The following KCNH1 variants were observed in gnomAD, a reference collection of about 807,000 sequenced individuals.
KCNH1 encodes the protein potassium voltage-gated channel subfamily H member 1.
Under a neutral mutation model 69.2 loss-of-function variants are expected in KCNH1, and 27 were observed. The observed-to-expected ratio is 0.39, with a 90% CI of 0.29 to 0.54. The LOEUF is 0.54. Ranked by LOEUF, KCNH1 falls within the 20% of genes least tolerant of loss-of-function variation. KCNH1 has a pLI of 0.68. For synonymous variants in KCNH1, 456 were observed against 487.7 expected (o/e 0.93, Z 0.86); for missense variants, 798 against 1,261.6 (o/e 0.63, Z 5.57).
chr1:210,929,092 C>G lies in KCNH1; in HGVS notation c.1033-9023G>C, dbSNP rs147829616. On this transcript the variant is annotated intron_variant, in intron 6 of 10. Coordinates refer to ENST00000271751, the MANE Select transcript of KCNH1 (RefSeq NM_172362.3). ...AGATGGATCCACAGTTGAATTCTAT[C>G]AGATATTCAGAGAAGAATTGGTATC... Among the ~76,000 whole-genome samples, 868 of 152,238 alleles carry G rather than the reference C, an allele frequency of 5.7e-3. 9 individuals are homozygous for G. The highest frequency in any genetic ancestry group is 0.019 in the African/African-American group (794 of 41,546).
At chr1:210,905,268 C>G (rs1687078241) in intron 7 of KCNH1, among the ~76,000 whole-genome samples, 1 of 152,144 alleles carries the variant, frequency 6.6e-6, no homozygotes, top group African/African-American at 2.4e-5. Flanking sequence ...GAATAATAGT[C>G]CCATCTCACA....
At chr1:211,084,129 G>C (rs1278706568) in intron 4 of KCNH1, among the ~76,000 whole-genome samples, 1 of 152,146 alleles carries the variant, frequency 6.6e-6, no homozygotes, top group South Asian at 2.1e-4. Context: ...TCACTGTGGG[G>C]GGGTCCCATT....
chr1:211,101,201 G>A (rs773798458), intron 3 of KCNH1, among the ~76,000 whole-genome samples: 7 of 152,146 alleles, frequency 4.6e-5, no homozygotes, highest in Non-Finnish European at 1.0e-4. Context: ...CCCTACAGAT[G>A]CTGTAAGAGC....
chr1:211,018,941 G>A lies in KCNH1; in HGVS notation c.874C>T (p.Leu292=), dbSNP rs752346616. The part of the protein sequence containing the change: ...SDPKLIRMNY[L]KTWFVIDLLS... ...AGGTCAATCACAAACCACGTCTTCAGGTAGTTCATGCGGATAAGTTTGGGG... is the reference window on the plus strand; with the variant it reads ...AGGTCAATCACAAACCACGTCTTCAAGTAGTTCATGCGGATAAGTTTGGGG... The change falls in exon 6 of 11, where the codon CTG becomes TTG. Residue 292 remains leucine, a synonymous_variant. Transcript: ENST00000271751. The A allele has an allele frequency of 3.1e-6, 5 of 1,613,960 alleles. No homozygotes were observed. In the African/African-American group the frequency reaches 4.0e-5, roughly 13 times the overall value.
chr1:211,128,363 A>C (rs1302548141), intron 1 of KCNH1, among the ~76,000 whole-genome samples: 1 of 152,200 alleles, frequency 6.6e-6, no homozygotes, highest in African/African-American at 2.4e-5. Flanking sequence ...ACCCGACAAA[A>C]GAATATATGC....
intron 6 of KCNH1, among the ~76,000 whole-genome samples, chr1:210,929,943 A>T (rs1483314923): frequency 6.6e-6 from 1 of 152,098 alleles, no homozygotes; most frequent in Non-Finnish European, 1.5e-5. Context: ...GCAAAAAAAT[A>T]AAGTAAAATA....
Position 211,002,300 on chromosome 1 carries a change from G to A in KCNH1, c.1032+16483C>T, listed in dbSNP as rs7519090. On this transcript the variant is annotated intron_variant, in intron 6 of 10. Coordinates refer to ENST00000271751, the MANE Select transcript of KCNH1 (RefSeq NM_172362.3). ...TATACGTATGTATACATGTATATAT[G>A]TATACATGTATACGTGTATATATAT... Among the ~76,000 whole-genome samples, 1,077 of 145,012 alleles carry A rather than the reference G, an allele frequency of 7.4e-3. 10 individuals carry two copies. Among genetic ancestry groups the A allele is most frequent in the African/African-American group, 0.026 (1,031 of 39,216 alleles).
At chr1:210,993,229 C>G (rs766971148) in intron 6 of KCNH1, among the ~76,000 whole-genome samples, 1 of 152,176 alleles carries the variant, frequency 6.6e-6, no homozygotes, top group East Asian at 1.9e-4. Context: ...TTTTAAGCAG[C>G]CTGGTGGGAG....
Position 210,888,197 on chromosome 1 carries a change from TAACA to T in KCNH1, c.1462+31439_1462+31442del, listed in dbSNP as rs1199233684. 2.6e-5 allele frequency among the ~76,000 whole-genome samples: 4 copies of T among 152,180 alleles called. No individual in the cohort carries two copies. In the East Asian group the frequency reaches 5.8e-4, roughly 22 times the overall value. On this transcript the variant is annotated intron_variant, in intron 7 of 10. Coordinates refer to ENST00000271751, the MANE Select transcript of KCNH1 (RefSeq NM_172362.3). ...AGCAAATGCAAAAGAACAGATATCA[TAACA>T]AACAGTCTGTCAGACCACAGTGCAA... is the stretch of plus-strand genomic sequence containing the variant.
chr1:210,705,127 A>G (rs1182171602), intron 10 of KCNH1, among the ~76,000 whole-genome samples: 2 of 152,018 alleles, frequency 1.3e-5, no homozygotes, highest in East Asian at 3.9e-4. Context: ...AGAAAGACAC[A>G]TTTCATCCTC....
intron 7 of KCNH1, among the ~76,000 whole-genome samples, chr1:210,847,604 T>C (rs993013384): frequency 2.7e-5 from 4 of 148,558 alleles, no homozygotes; most frequent in Admixed American, 6.7e-5. Flanking sequence ...GGGGGAGAGA[T>C]AGCATTAGGA....
intron 9 of KCNH1, among the ~76,000 whole-genome samples, chr1:210,780,487 G>C (rs189819656): frequency 5.7e-4 from 87 of 152,288 alleles, no homozygotes; most frequent in African/African-American, 2.0e-3. Flanking sequence ...AGGGGCTGAG[G>C]TGTAACAGTG....
intron 7 of KCNH1, among the ~76,000 whole-genome samples, chr1:210,877,998 A>G (rs1686416611): frequency 6.6e-6 from 1 of 152,174 alleles, no homozygotes; most frequent in African/African-American, 2.4e-5. Context: ...ATTCAATATT[A>G]TACTCATTTA....
chr1:210,836,377 G>T (rs1685283511), intron 7 of KCNH1, among the ~76,000 whole-genome samples: 1 of 152,104 alleles, frequency 6.6e-6, no homozygotes, highest in Admixed American at 6.5e-5. Flanking sequence ...TAACATTATT[G>T]AAAGTAATCA....
chr1:211,114,969 T>A (rs942752575), intron 1 of KCNH1, among the ~76,000 whole-genome samples: 1 of 152,092 alleles, frequency 6.6e-6, no homozygotes, highest in African/African-American at 2.4e-5. Flanking sequence ...TGTTTGTTTT[T>A]TGTTTTTTGT....
intron 7 of KCNH1, among the ~76,000 whole-genome samples, chr1:210,885,893 G>C (rs750320728): frequency 6.6e-6 from 1 of 152,230 alleles, no homozygotes; most frequent in Admixed American, 6.5e-5. Flanking sequence ...AGCAGCCCCA[G>C]TCAGGGTCTT....
At chr1:210,790,422 T>TTG (rs1558470718) in intron 9 of KCNH1, among the ~76,000 whole-genome samples, 1 of 152,204 alleles carries the variant, frequency 6.6e-6, no homozygotes, top group African/African-American at 2.4e-5. Context: ...TCTCTTGCTT[T>TTG]CCTGTCTTTG....
intron 7 of KCNH1, among the ~76,000 whole-genome samples, chr1:210,914,286 T>C (rs779898062): frequency 3.9e-5 from 6 of 152,206 alleles, no homozygotes; most frequent in Non-Finnish European, 5.9e-5. Flanking sequence ...GCCCACTATG[T>C]GTTGGAAGTC....
intron 7 of KCNH1, among the ~76,000 whole-genome samples, chr1:210,917,229 G>GAGAAAGAAAGAAAGAAAGAAAGAA (rs1187754589): frequency 2.5e-5 from 2 of 78,800 alleles, no homozygotes; most frequent in African/African-American, 1.0e-4. Flanking sequence ...GAGAGAGAGA[G>GAGAAAGAAAGAAAGAAAGAAAGAA]AGAAAGAAAG....
Sources: allele counts gnomAD v4.1 joint callset (sites outside exome capture counted in the v4.1 genomes callset), GRCh38; gene constraint gnomAD v4.1.1; transcripts MANE v1.5; gene names NCBI Gene and HGNC (gene_info 2026-07-23, HGNC 2026-07-21).